GAP43: variants seen among roughly 807,000 people sequenced by gnomAD.
GAP43 encodes the protein growth associated protein 43, also known as neuromodulin.
In GAP43, 6 loss-of-function variants were observed where a neutral mutation model predicts 18.6. The observed-to-expected ratio is 0.32, with a 90% CI of 0.18 to 0.64. The LOEUF is 0.64. GAP43 is among the 30% of genes least tolerant of loss of function. GAP43 has a pLI of 0.78. For missense variants in GAP43, 292 were observed against 295.5 expected, an observed-to-expected ratio of 0.99 and a Z score of 0.09; for synonymous variants, 115 against 111.4, an observed-to-expected ratio of 1.03 and a Z score of -0.20.
intron 2 of GAP43, among the ~76,000 whole-genome samples, chr3:115,698,155 TAA>T (rs1314895829): frequency 4.1e-3 from 84 of 20,700 alleles, no homozygotes; most frequent in Admixed American, 0.017. Context: ...ATATTATATA[TAA>T]TATATAAAAT....
At chr3:115,649,793 T>C (rs1288441546) in intron 1 of GAP43, among the ~76,000 whole-genome samples, 1 of 132,736 alleles carries the variant, frequency 7.5e-6, no homozygotes, top group East Asian at 2.2e-4. Flanking sequence ...CTGAGCAATA[T>C]AGTGAGACCC....
chr3:115,695,305 T>C (rs1251987207), intron 2 of GAP43, among the ~76,000 whole-genome samples: 1 of 152,250 alleles, frequency 6.6e-6, no homozygotes, highest in Non-Finnish European at 1.5e-5. Context: ...CATCAAGCAC[T>C]GTTAAAATAG....
chr3:115,670,614 G>A (rs1367805682), intron 1 of GAP43, among the ~76,000 whole-genome samples: 1 of 152,128 alleles, frequency 6.6e-6, no homozygotes, highest in Non-Finnish European at 1.5e-5. Flanking sequence ...TTTCCCTAAA[G>A]TCAATTGCCA....
chr3:115,624,461 A>T (rs981663239), intron 1 of GAP43, among the ~76,000 whole-genome samples: 1 of 152,088 alleles, frequency 6.6e-6, no homozygotes, highest in Non-Finnish European at 1.5e-5. Flanking sequence ...GGGATGGGAA[A>T]GACAGCCGGG....
At chr3:115,654,028 G>A (rs943974968) in intron 1 of GAP43, among the ~76,000 whole-genome samples, 1 of 152,052 alleles carries the variant, frequency 6.6e-6, no homozygotes, top group Non-Finnish European at 1.5e-5. Context: ...ACTGTCTATA[G>A]GCATTTACAC....
chr3:115,664,628 A>G (rs1708708659), intron 1 of GAP43, among the ~76,000 whole-genome samples: 1 of 152,230 alleles, frequency 6.6e-6, no homozygotes, highest in Non-Finnish European at 1.5e-5. Flanking sequence ...CAAGTAATCA[A>G]TGAATGTCAA....
intron 1 of GAP43, among the ~76,000 whole-genome samples, chr3:115,645,089 C>G (rs1422361855): frequency 4.0e-5 from 6 of 151,856 alleles, no homozygotes; most frequent in African/African-American, 1.5e-4. Context: ...CATGGTATCT[C>G]AAGAGTTAGA....
intron 2 of GAP43, among the ~76,000 whole-genome samples, chr3:115,679,655 C>T (rs902432716): frequency 6.6e-6 from 1 of 152,176 alleles, no homozygotes; most frequent in African/African-American, 2.4e-5. Flanking sequence ...TCACTGTGCT[C>T]ATTGGCTCTC....
chr3:115,715,293 G>A (rs1709490400), intron 2 of GAP43, among the ~76,000 whole-genome samples: 1 of 152,112 alleles, frequency 6.6e-6, no homozygotes, highest in Admixed American at 6.6e-5. Context: ...ACTATTCAGA[G>A]GCAAACTGAA....
rs781606823 is a variant in GAP43, at chr3:115,623,629, A to G, written c.-61A>G. 150 of 1,599,224 alleles carry G rather than the reference A, an allele frequency of 9.4e-5. No individual in the cohort carries two copies. Among genetic ancestry groups the G allele is most frequent in the Middle Eastern group, 1.7e-4 (1 of 6,050 alleles). On this transcript the variant is annotated 5_prime_UTR_variant, in exon 1 of 3. Coordinates refer to ENST00000305124, the MANE Select transcript of GAP43 (RefSeq NM_002045.4). The stretch of plus-strand genomic sequence containing the variant: ...GCAGAAAAGAGGTGGAGAGGGGGGG[A>G]ATAAGAAAGAGAGAGAAGGAAAGGA...
intron 2 of GAP43, among the ~76,000 whole-genome samples, chr3:115,678,057 G>A (rs888647581): frequency 6.6e-6 from 1 of 152,090 alleles, no homozygotes; most frequent in African/African-American, 2.4e-5. Context: ...ACTGTCCCAG[G>A]GGCCAGACAT....
At chr3:115,689,712 G>T (rs1053297725) in intron 2 of GAP43, among the ~76,000 whole-genome samples, 2 of 152,128 alleles carry the variant, frequency 1.3e-5, no homozygotes, top group Non-Finnish European at 2.9e-5. Context: ...TGGGGATGTG[G>T]ATAGAGATTC....
chr3:115,696,553 A>C, intron 2 of GAP43, among the ~76,000 whole-genome samples: 2 of 142,442 alleles, frequency 1.4e-5, no homozygotes, highest in South Asian at 2.3e-4. Flanking sequence ...TTCTAGCAAT[A>C]CTGATTTCCT....
At position 115,666,379 on chromosome 3, in the gene GAP43, A is replaced by T. The variant is rs191592835; in HGVS notation, c.31-9634A>T. On this transcript the variant is annotated intron_variant, in intron 1 of 2. Transcript: ENST00000305124. Reference sequence around the variant, plus strand: ...TAGCTTTTCCACCCTCTGAGTGATGATACCTACAATCATCAGGATGAATAC... The same window carrying T: ...TAGCTTTTCCACCCTCTGAGTGATGTTACCTACAATCATCAGGATGAATAC... Among the ~76,000 whole-genome samples, 5 of 152,308 alleles carry T rather than the reference A, an allele frequency of 3.3e-5. 1 individual carries two copies. The highest frequency in any genetic ancestry group is 1.2e-4 in the African/African-American group (5 of 41,562).
chr3:115,628,995 C>T (rs903874535), intron 1 of GAP43, among the ~76,000 whole-genome samples: 5 of 152,172 alleles, frequency 3.3e-5, no homozygotes, highest in African/African-American at 9.7e-5. Context: ...CTTGATCTTC[C>T]TCACTACAAT....
At chr3:115,690,683 C>T (rs1221710839) in intron 2 of GAP43, among the ~76,000 whole-genome samples, 1 of 150,190 alleles carries the variant, frequency 6.7e-6, no homozygotes, top group Non-Finnish European at 1.5e-5. Context: ...GAAATAATCA[C>T]TTTTGATCCT....
At chr3:115,653,311 G>A (rs1389297224) in intron 1 of GAP43, among the ~76,000 whole-genome samples, 12 of 152,088 alleles carry the variant, frequency 7.9e-5, no homozygotes, top group South Asian at 2.1e-4. Context: ...GTGTGGTGGC[G>A]CATGCCTGTA....
chr3:115,714,220 G>C (rs1709473979), intron 2 of GAP43, among the ~76,000 whole-genome samples: 1 of 152,156 alleles, frequency 6.6e-6, no homozygotes. Flanking sequence ...CCTTTTGAAG[G>C]ATCCTTGAGC....
intron 1 of GAP43, among the ~76,000 whole-genome samples, chr3:115,638,383 A>G (rs1708356059): frequency 6.6e-6 from 1 of 152,028 alleles, no homozygotes; most frequent in South Asian, 2.1e-4. Flanking sequence ...TAAAACACAT[A>G]AAACATGTTC....
Sources: allele counts gnomAD v4.1 joint callset (sites outside exome capture counted in the v4.1 genomes callset), GRCh38; gene constraint gnomAD v4.1.1; transcripts MANE v1.5; gene names NCBI Gene and HGNC (gene_info 2026-07-23, HGNC 2026-07-21).